Variants in CCDC171 observed in about 807,000 individuals in gnomAD.
CCDC171 encodes the protein coiled-coil domain-containing protein 171.
CCDC171 carries 177 observed loss-of-function variants against 168.2 expected under a neutral mutation model. The ratio of observed to expected loss-of-function variants is 1.05; its 90% CI spans 0.93 to 1.19. The LOEUF is 1.19. CCDC171 is among the 50% of genes most tolerant of loss of function. CCDC171 has a pLI of 0.00. For missense variants in CCDC171, 1,991 were observed against 1,539.0 expected, an observed-to-expected ratio of 1.29 and a Z score of -4.91; for synonymous variants, 687 against 540.8, an observed-to-expected ratio of 1.27 and a Z score of -3.75.
intron 14 of CCDC171, among the ~76,000 whole-genome samples, chr9:15,726,727 A>G (rs1486647993): frequency 6.6e-6 from 1 of 152,116 alleles, no homozygotes; most frequent in Non-Finnish European, 1.5e-5. Flanking sequence ...ACTTTTACAT[A>G]TGCTATATTC....
intron 24 of CCDC171, among the ~76,000 whole-genome samples, chr9:15,880,503 C>G (rs1177271995): frequency 3.4e-5 from 5 of 149,210 alleles, no homozygotes. Context: ...GTTGCCCAGG[C>G]TGGAGTGCAG....
At chr9:15,561,732 C>A (rs1275952526) in intron 1 of CCDC171, among the ~76,000 whole-genome samples, 1 of 151,946 alleles carries the variant, frequency 6.6e-6, no homozygotes, top group East Asian at 1.9e-4. Context: ...AACTTTGGTC[C>A]TTCATTGATT....
chr9:15,598,468 T>A (rs1460113738), intron 6 of CCDC171, among the ~76,000 whole-genome samples: 2 of 152,124 alleles, frequency 1.3e-5, no homozygotes, highest in East Asian at 3.9e-4. Context: ...TTTGAGTGAG[T>A]TTCTTAATCC....
chr9:15,827,286 G>A (rs1563820374), intron 21 of CCDC171, among the ~76,000 whole-genome samples: 1 of 152,162 alleles, frequency 6.6e-6, no homozygotes, highest in Non-Finnish European at 1.5e-5. Context: ...GGACATGTGG[G>A]TGTGGTTGGT....
intron 1 of CCDC171, among the ~76,000 whole-genome samples, chr9:16,058,060 A>G (rs967689011): frequency 1.3e-5 from 2 of 152,014 alleles, no homozygotes; most frequent in South Asian, 2.1e-4. Context: ...AAAAATAATA[A>G]TAATAATAAT....
At chr9:15,663,783 C>G (rs35546678) in intron 8 of CCDC171, among the ~76,000 whole-genome samples, 4,275 of 151,678 alleles carry the variant, frequency 0.028, 203 homozygotes, top group African/African-American at 0.098. Context: ...TTTTTTTGTA[C>G]TTTTAGTAGA....
At chr9:15,638,488 AGTT>A (rs1386834847) in intron 7 of CCDC171, among the ~76,000 whole-genome samples, 1 of 152,062 alleles carries the variant, frequency 6.6e-6, no homozygotes, top group Non-Finnish European at 1.5e-5. Flanking sequence ...ATAAAGAAGA[AGTT>A]GTTAAAATTT....
intron 4 of CCDC171, among the ~76,000 whole-genome samples, chr9:15,589,681 A>G (rs2041842803): frequency 1.3e-5 from 2 of 152,252 alleles, no homozygotes; most frequent in Admixed American, 1.3e-4. Flanking sequence ...AATATAATTA[A>G]TAAAGTTGGA....
intron 24 of CCDC171, among the ~76,000 whole-genome samples, chr9:15,916,331 A>T (rs192695823): frequency 0.011 from 1,742 of 151,994 alleles, 31 homozygotes; most frequent in Non-Finnish European, 0.013. Context: ...TAAGGTATGA[A>T]TTTTTATCCT....
chr9:15,863,851 A>G (rs2061660366), intron 23 of CCDC171, among the ~76,000 whole-genome samples: 1 of 151,178 alleles, frequency 6.6e-6, no homozygotes, highest in African/African-American at 2.4e-5. Flanking sequence ...AACTCTGGAA[A>G]TAAGATTCTC....
At chr9:15,917,115 G>A (rs965306450) in intron 24 of CCDC171, among the ~76,000 whole-genome samples, 6 of 151,842 alleles carry the variant, frequency 4.0e-5, no homozygotes, top group African/African-American at 1.4e-4. Flanking sequence ...CCTTTCTTTT[G>A]TATTAAGGAG....
At chr9:15,605,431 G>A (rs894672655) in intron 6 of CCDC171, among the ~76,000 whole-genome samples, 2 of 149,794 alleles carry the variant, frequency 1.3e-5, no homozygotes, top group Non-Finnish European at 3.0e-5. Flanking sequence ...TGTAATCCCA[G>A]CACTTTGGGA....
chr9:15,965,548 T>A (rs1830712417), intron 25 of CCDC171, among the ~76,000 whole-genome samples: 1 of 152,262 alleles, frequency 6.6e-6, no homozygotes, highest in Non-Finnish European at 1.5e-5. Context: ...ATAATTGTAG[T>A]GCTTTCTGAT....
chr9:15,810,461 G>T (rs1346103009), intron 21 of CCDC171, among the ~76,000 whole-genome samples: 1 of 151,440 alleles, frequency 6.6e-6, no homozygotes, highest in Non-Finnish European at 1.5e-5. Flanking sequence ...GGCGCCTGTC[G>T]GGGAGGCTAG....
chr9:15,555,399 G>A (rs1402776005), intron 1 of CCDC171, among the ~76,000 whole-genome samples: 2 of 152,174 alleles, frequency 1.3e-5, no homozygotes, highest in African/African-American at 4.8e-5. Flanking sequence ...TCTGGATTGA[G>A]AATCGACTGA....
chr9:15,711,978 C>T (rs537252344), intron 11 of CCDC171, among the ~76,000 whole-genome samples: 51 of 152,254 alleles, frequency 3.3e-4, no homozygotes, highest in African/African-American at 9.6e-4. Context: ...GTCTATTATC[C>T]GGGAGAGCTG....
chr9:15,979,501 G>C (rs1364517811), intron 3 of CCDC171, among the ~76,000 whole-genome samples: 1 of 151,948 alleles, frequency 6.6e-6, no homozygotes, highest in African/African-American at 2.4e-5. Flanking sequence ...ATCACAGAAG[G>C]GTGTTTCAAT....
intron 23 of CCDC171, among the ~76,000 whole-genome samples, chr9:15,868,575 T>A (rs752385812): frequency 2.0e-5 from 3 of 151,882 alleles, no homozygotes; most frequent in Non-Finnish European, 4.4e-5. Flanking sequence ...AAAATAAAGA[T>A]GTTTAATATT....
rs528895013 is a variant in CCDC171, at chr9:15,804,343, A to G, written c.3267+19649A>G. Among the ~76,000 whole-genome samples, 28 of 152,242 alleles carry G rather than the reference A, an allele frequency of 1.8e-4. 1 individual carries two copies. The South Asian group carries it at 5.2e-3, about 28-fold the overall frequency. ...GAGGGAATGCTTCCAGCTTTTGCTC[A>G]TACTGTATGATATTGGCTGTGTTTT... is the stretch of plus-strand genomic sequence containing the variant. On this transcript the variant is annotated intron_variant, in intron 21 of 25. Coordinates refer to ENST00000380701, the MANE Select transcript of CCDC171 (RefSeq NM_173550.4).
Sources: gnomAD v4.1 joint callset for allele counts (sites outside exome capture counted in the v4.1 genomes callset) on GRCh38, gnomAD v4.1.1 for gene constraint, MANE v1.5 for transcripts, NCBI Gene and HGNC (gene_info 2026-07-23, HGNC 2026-07-21) for gene names.